ESYT2: variants seen among roughly 807,000 people sequenced by gnomAD.
ESYT2 encodes extended synaptotagmin 2.
Under a neutral mutation model 107.2 loss-of-function variants are expected in ESYT2, and 54 were observed. That is an observed-to-expected ratio of 0.50 (90% CI 0.40 to 0.63). The LOEUF (loss-of-function observed/expected upper bound fraction) is 0.63. Ranked by LOEUF, ESYT2 falls within the 30% of genes least tolerant of loss-of-function variation. ESYT2 has a pLI of 0.00. For synonymous variants in ESYT2, 491 were observed against 434.1 expected (o/e 1.13, Z -1.63); for missense variants, 1,020 against 1,094.5 (o/e 0.93, Z 0.96).
intron 13 of ESYT2, among the ~76,000 whole-genome samples, chr7:158,758,330 G>A (rs1227958191): frequency 2.6e-5 from 4 of 152,204 alleles, no homozygotes; most frequent in Admixed American, 1.3e-4. Flanking sequence ...TTCTCAGAAC[G>A]TGGAAGGTGC....
intron 1 of ESYT2, among the ~76,000 whole-genome samples, chr7:158,826,302 G>A (rs928760482): frequency 3.9e-5 from 6 of 152,104 alleles, no homozygotes; most frequent in African/African-American, 1.4e-4. Flanking sequence ...TCACTGTCAA[G>A]TTTCATGTGA....
intron 12 of ESYT2, 62 bp from the exon 13 acceptor site, chr7:158,759,643 T>A: frequency 7.8e-7 from 1 of 1,288,306 alleles, no homozygotes; most frequent in Non-Finnish European, 1.1e-6. Flanking sequence ...ACTATTTCTA[T>A]CTGATTGTAT....
chr7:158,770,775 A>G (rs1838336679), intron 7 of ESYT2, among the ~76,000 whole-genome samples: 1 of 152,144 alleles, frequency 6.6e-6, no homozygotes. Flanking sequence ...TCGGCCTCCC[A>G]AAGTGCTGGG....
intron 14 of ESYT2, among the ~76,000 whole-genome samples, chr7:158,751,493 C>T (rs1032964389): frequency 1.3e-5 from 2 of 152,102 alleles, no homozygotes; most frequent in Non-Finnish European, 2.9e-5. Flanking sequence ...TAAACCTCAG[C>T]TCTGTTTATC....
At chr7:158,804,922 G>A (rs1839781555) in intron 1 of ESYT2, among the ~76,000 whole-genome samples, 1 of 152,132 alleles carries the variant, frequency 6.6e-6, no homozygotes, top group Non-Finnish European at 1.5e-5. Flanking sequence ...ACTTCTGTGG[G>A]GCCTGGGGAA....
intron 15 of ESYT2, 34 bp downstream of exon 15, chr7:158,749,615 G>T: frequency 1.2e-6 from 2 of 1,609,448 alleles, no homozygotes; most frequent in South Asian, 1.1e-5. Flanking sequence ...CCGCACGACA[G>T]GCACCAAGGC....
intron 6 of ESYT2, among the ~76,000 whole-genome samples, chr7:158,780,700 A>AT (rs1838747245): frequency 6.6e-6 from 1 of 152,250 alleles, no homozygotes; most frequent in Non-Finnish European, 1.5e-5. Flanking sequence ...AAGTTCAGAG[A>AT]AACTAATCGT....
chr7:158,732,199 A>G lies in ESYT2; in HGVS notation c.*2008T>C, dbSNP rs779618908. The stretch of plus-strand genomic sequence containing the variant: ...TGTTGGTAAAAATTACTGGCATGCT[A>G]CAATTTCCATGAGTGCTGCTGCTTT... On this transcript the variant is annotated 3_prime_UTR_variant, in exon 23 of 23. Transcript: ENST00000275418. 6.6e-5 allele frequency: 10 copies of G among 152,226 alleles called. No individual in the cohort carries two copies. The highest frequency in any genetic ancestry group is 1.0e-4 in the Non-Finnish European group (7 of 68,040). The allele number at this position is 152,226 out of a possible 1,614,324, so 9.4% of individuals were successfully genotyped here.
At chr7:158,759,071 G>A (rs754335011) in intron 13 of ESYT2, among the ~76,000 whole-genome samples, 14 of 152,152 alleles carry the variant, frequency 9.2e-5, no homozygotes, top group African/African-American at 2.2e-4. Context: ...CCCACGGATC[G>A]CCAAGGCCCA....
intron 1 of ESYT2, among the ~76,000 whole-genome samples, chr7:158,801,335 A>G (rs909829029): frequency 9.9e-5 from 15 of 152,254 alleles, no homozygotes; most frequent in African/African-American, 3.6e-4. Context: ...ATCCCAAGGC[A>G]TTCAATAGTT....
intron 13 of ESYT2, among the ~76,000 whole-genome samples, chr7:158,754,876 G>A (rs79155933): frequency 0.091 from 13,831 of 152,122 alleles, 859 homozygotes; most frequent in South Asian, 0.19. Context: ...AAGTGATAAT[G>A]AGGGTCTGGA....
intron 1 of ESYT2, among the ~76,000 whole-genome samples, chr7:158,819,408 C>A (rs1840231155): frequency 6.6e-6 from 1 of 152,170 alleles, no homozygotes; most frequent in East Asian, 1.9e-4. Flanking sequence ...TATATCATAT[C>A]TCACAATCTA....
chr7:158,735,424 T>G, intron 21 of ESYT2, 79 bp downstream of exon 21: 2 of 1,183,740 alleles, frequency 1.7e-6, no homozygotes, highest in Non-Finnish European at 1.2e-6. Flanking sequence ...TACACAGACA[T>G]GGTCTAAACA....
chr7:158,769,252 T>C (rs1032719981), intron 7 of ESYT2, among the ~76,000 whole-genome samples: 2 of 152,228 alleles, frequency 1.3e-5, no homozygotes, highest in African/African-American at 2.4e-5. Context: ...ACTCTACTTA[T>C]GAACAGGTCA....
At chr7:158,796,721 G>A (rs933309466) in intron 3 of ESYT2, among the ~76,000 whole-genome samples, 1 of 152,032 alleles carries the variant, frequency 6.6e-6, no homozygotes, top group African/African-American at 2.4e-5. Context: ...CAGATGGGAA[G>A]GGGCAGTGCG....
intron 1 of ESYT2, among the ~76,000 whole-genome samples, chr7:158,817,192 C>T (rs1016071894): frequency 2.0e-5 from 3 of 152,146 alleles, no homozygotes; most frequent in Admixed American, 1.3e-4. Context: ...GGTGGGGCAT[C>T]GGACACACCT....
At chr7:158,815,848 A>G (rs916281072) in intron 1 of ESYT2, among the ~76,000 whole-genome samples, 2 of 152,246 alleles carry the variant, frequency 1.3e-5, no homozygotes, top group African/African-American at 4.8e-5. Flanking sequence ...AGCACAGTCC[A>G]TTAACAGTGA....
At chr7:158,743,772 G>C (rs1477084660) in intron 16 of ESYT2, 94 bp from the exon 17 acceptor site, 2 of 1,379,698 alleles carry the variant, frequency 1.4e-6, no homozygotes, top group East Asian at 5.7e-5. Flanking sequence ...TGTCCTCAGA[G>C]ATAGGAACTT....
At chr7:158,778,443 T>C (rs780327257) in intron 6 of ESYT2, among the ~76,000 whole-genome samples, 2 of 149,892 alleles carry the variant, frequency 1.3e-5, no homozygotes, top group African/African-American at 2.5e-5. Context: ...GTTACTTGTA[T>C]TATGGATAAA....
Sources: allele counts gnomAD v4.1 joint callset (sites outside exome capture counted in the v4.1 genomes callset), GRCh38; gene constraint gnomAD v4.1.1; transcripts MANE v1.5; gene names NCBI Gene and HGNC (gene_info 2026-07-23, HGNC 2026-07-21).